The following E2F4 variants were observed in gnomAD, a reference collection of about 807,000 sequenced individuals.
E2F4 encodes the protein E2F transcription factor 4.
In E2F4, 16 loss-of-function variants were observed where a neutral mutation model predicts 44.5. The ratio of observed to expected loss-of-function variants is 0.36; its 90% CI spans 0.24 to 0.55. E2F4 has a LOEUF of 0.55. Ranked by LOEUF, E2F4 falls within the 20% of genes least tolerant of loss-of-function variation. E2F4 has a pLI of 0.87. For synonymous variants in E2F4, 242 were observed against 207.2 expected (o/e 1.17, Z -1.44); for missense variants, 473 against 522.1 (o/e 0.91, Z 0.92).
chr16:67,198,040 C>T lies in E2F4; in HGVS notation c.1159C>T (p.Pro387Ser), dbSNP rs1375076300. 5 of 1,614,022 alleles carry T rather than the reference C, an allele frequency of 3.1e-6. No individual in the cohort carries two copies. Among genetic ancestry groups the T allele is most frequent in the Non-Finnish European group, 4.2e-6 (5 of 1,180,020 alleles). Residue 387 changes from proline (P) to serine (S), a missense_variant, in exon 10 of 10, where the codon CCG becomes TCG. By Grantham distance (74) the Pro-to-Ser change is moderately conservative. Around this residue, in one of 3 missense-constraint regions of E2F4, gnomAD observed 314 missense variants for 315.6 expected, o/e 0.99. Coordinates refer to ENST00000379378, the MANE Select transcript of E2F4 (RefSeq NM_001950.4). ...CCCTCTGCTTCGTCTTTCTCCACCC[C>T]CGGGAGACCACGATTATATCTACAA... ...FAPLLRLSPP[P>S]GDHDYIYNLD...
intron 3 of E2F4, 28 bp from the exon 4 acceptor site, chr16:67,193,444 C>CA (rs1567687691): frequency 5.6e-6 from 9 of 1,613,874 alleles, no homozygotes; most frequent in Non-Finnish European, 7.6e-6. Context: ...CACCATAGGG[C>CA]ATCAGCCATT....
rs768162623 is a variant in E2F4, at chr16:67,193,005, T to C, written c.246-4T>C. The C allele has an allele frequency of 6.4e-7, 1 of 1,569,052 alleles. No individual in the cohort carries two copies. Among genetic ancestry groups the C allele is most frequent in the South Asian group, 1.2e-5 (1 of 86,166 alleles). Reference sequence around the variant, plus strand: ...TCCCTCTCAGCCCCACTCCCTGGGCTCAGGGGTGTGGGGCCTGGCTGCAAT... The same window carrying C: ...TCCCTCTCAGCCCCACTCCCTGGGCCCAGGGGTGTGGGGCCTGGCTGCAAT... On this transcript the variant is annotated splice_polypyrimidine_tract_variant and splice_region_variant and intron_variant, in intron 2 of 9. Coordinates refer to ENST00000379378, the MANE Select transcript of E2F4 (RefSeq NM_001950.4).
rs766415217 is a variant in E2F4 at position 67,195,991 on chromosome 16, G to T, written c.1018G>T (p.Ala340Ser). The T allele has an allele frequency of 3.1e-6, 5 of 1,614,036 alleles. No individual in the cohort carries two copies. The East Asian group carries it at 1.1e-4, about 36-fold the overall frequency. Reference sequence around the variant, plus strand: ...TTCTACCTCCTTTGAGCCCATCAAGGCAGACCCCACAGGTGGTGAGTACCT... The same window carrying T: ...TTCTACCTCCTTTGAGCCCATCAAGTCAGACCCCACAGGTGGTGAGTACCT... ...NPSTSFEPIK[A>S]DPTGVLELPK... is the part of the protein sequence containing the mutation. The change falls in exon 7 of 10, where the codon GCA (alanine) becomes TCA (serine). Residue 340 changes from alanine to serine, a missense_variant. By Grantham distance (99) the Ala-to-Ser change is moderately conservative. Transcript: ENST00000379378.
At chr16:67,193,839 G>C (rs567440574) in intron 4 of E2F4, 42 of 420,286 alleles carry the variant, frequency 1.0e-4, no homozygotes, top group Non-Finnish European at 1.6e-4. Flanking sequence ...CTTGTGTGCA[G>C]GCTCTTACAT....
At chr16:67,195,645 G>A in intron 6 of E2F4, 137 bp from the exon 7 acceptor site, 2 of 1,499,988 alleles carry the variant, frequency 1.3e-6, no homozygotes, top group South Asian at 1.3e-5. Context: ...CTTCCTCTGG[G>A]GGTGACTGGC....
In E2F4 at chr16:67,197,988, G is replaced by C. The variant is rs370809783; in HGVS notation, c.1127-20G>C. ...CTAGGGGAGCCCTGGCCCAGGGCCT[G>C]AGACTAGTGCTCTCTGCAGTGTTTG... On this transcript the variant is annotated intron_variant, in intron 9 of 9. Coordinates refer to ENST00000379378, the MANE Select transcript of E2F4 (RefSeq NM_001950.4). The C allele has an allele frequency of 6.2e-7, 1 of 1,614,096 alleles. No homozygotes were observed.
intron 1 of E2F4, 81 bp downstream of exon 1, chr16:67,192,443 G>T: frequency 7.2e-7 from 1 of 1,391,224 alleles, no homozygotes; most frequent in Non-Finnish European, 9.3e-7. Context: ...GGGCGGCCCA[G>T]CTGGGTCCTC....
In E2F4 at chr16:67,194,778, A is replaced by G; in HGVS notation, c.606A>G (p.Ser202=). 1 of 1,613,962 alleles carries G rather than the reference A, an allele frequency of 6.2e-7. No individual in the cohort carries two copies. Among genetic ancestry groups the G allele is most frequent in the Non-Finnish European group, 8.5e-7 (1 of 1,179,970 alleles). Residue 202 remains serine, a synonymous_variant, in exon 6 of 10, where the codon TCA becomes TCG. Transcript: ENST00000379378. The stretch of plus-strand genomic sequence containing the variant: ...TGGTGAACAAGGAGGCATGGAGCTC[A>G]CCCCCTGTGGCTGTGCCTGTGCCAC... ...VLLVNKEAWS[S]PPVAVPVPPP... is the part of the protein sequence containing the mutation.
At chr16:67,196,267 ACT>A (rs1197795933) in intron 7 of E2F4, among the ~76,000 whole-genome samples, 3 of 151,340 alleles carry the variant, frequency 2.0e-5, no homozygotes, top group African/African-American at 4.9e-5. Context: ...TCTCTGTATC[ACT>A]CTCTCTCATC....
Position 67,197,922 on chromosome 16 carries a change from C to T in E2F4, c.1126+11C>T. Reference sequence around the variant, plus strand: ...TGATGTCCTCAGAAGGTGGGTGGCCCTGGAAGGTGGGAGTGGGTGTGGGCA... The same window carrying T: ...TGATGTCCTCAGAAGGTGGGTGGCCTTGGAAGGTGGGAGTGGGTGTGGGCA... On this transcript the variant is annotated intron_variant, in intron 9 of 9. Coordinates refer to ENST00000379378, the MANE Select transcript of E2F4 (RefSeq NM_001950.4). 3 of 1,614,064 alleles carry T rather than the reference C, an allele frequency of 1.9e-6. No individual in the cohort carries two copies. Among genetic ancestry groups the T allele is most frequent in the Non-Finnish European group, 2.5e-6 (3 of 1,179,988 alleles).
intron 4 of E2F4, 30 bp downstream of exon 4, chr16:67,193,545 G>C (rs1230525661): frequency 1.2e-6 from 2 of 1,613,354 alleles, no homozygotes; most frequent in East Asian, 2.2e-5. Flanking sequence ...GGGTAAGGGG[G>C]TGGGCTGGGC....
intron 6 of E2F4, 118 bp downstream of exon 6, chr16:67,195,098 A>G: frequency 2.3e-6 from 3 of 1,299,538 alleles, no homozygotes; most frequent in South Asian, 1.5e-5. Flanking sequence ...TTTCCTGACC[A>G]CCTAGCCTTC....
chr16:67,193,039 G>T lies in E2F4; in HGVS notation c.276G>T (p.Glu92Asp). The change falls in exon 3 of 10, where the codon GAG becomes GAT. Residue 92 changes from glutamate (E) to aspartate (D), a missense_variant. Transcript: ENST00000379378. ...KGVGPGCNTR[E>D]IADKLIELKA... ...TGGGGCCTGGCTGCAATACCCGGGA[G>T]ATTGCTGACAAACTGATTGAGCTCA... is the stretch of plus-strand genomic sequence containing the variant. 1 of 1,572,226 alleles carries T rather than the reference G, an allele frequency of 6.4e-7. No homozygotes were observed. The highest frequency in any genetic ancestry group is 2.3e-5 in the East Asian group (1 of 42,848).
intron 7 of E2F4, among the ~76,000 whole-genome samples, 154 bp downstream of exon 7, chr16:67,196,160 C>T (rs1162647642): frequency 1.3e-5 from 2 of 152,142 alleles, no homozygotes; most frequent in African/African-American, 4.8e-5. Context: ...TGCTGGTGCC[C>T]CCTCTAGCAC....
chr16:67,193,420 A>T, intron 3 of E2F4, 52 bp from the exon 4 acceptor site: 1 of 1,605,194 alleles, frequency 6.2e-7, no homozygotes, highest in Non-Finnish European at 8.5e-7. Flanking sequence ...TCTTTTCTGT[A>T]GTCTGCCATC....
At chr16:67,196,157 G>GC (rs2032966649) in intron 7 of E2F4, 151 bp downstream of exon 7, 1 of 1,153,108 alleles carries the variant, frequency 8.7e-7, no homozygotes, top group Non-Finnish European at 1.2e-6. Flanking sequence ...CAGTGCTGGT[G>GC]CCCCCTCTAG....
chr16:67,192,288 A>G lies in E2F4; in HGVS notation c.61A>G (p.Ser21Gly). The G allele has an allele frequency of 7.4e-7, 1 of 1,346,410 alleles. No individual in the cohort carries two copies. The highest frequency in any genetic ancestry group is 9.6e-7 in the Non-Finnish European group (1 of 1,043,578). The allele number at this position is 1,346,410 out of a possible 1,614,324, so 83.4% of individuals were successfully genotyped here. ...GGGCACTCCAAGCCGGCACGAAAAG[A>G]GCCTGGGACTGCTCACCACCAAGTT... ...PPGTPSRHEK[S>G]LGLLTTKFVS... Residue 21 changes from serine (S) to glycine (G), a missense_variant, in exon 1 of 10, where the codon AGC becomes GGC. Transcript: ENST00000379378.
chr16:67,198,036 A>C lies in E2F4; in HGVS notation c.1155A>C (p.Pro385=), dbSNP rs2033000312. Residue 385 remains proline, a synonymous_variant, in exon 10 of 10, where the codon CCA becomes CCC. Transcript: ENST00000379378. ...TTGCCCCTCTGCTTCGTCTTTCTCC[A>C]CCCCCGGGAGACCACGATTATATCT... ...EVFAPLLRLS[P]PPGDHDYIYN... 1 of 1,613,882 alleles carries C rather than the reference A, an allele frequency of 6.2e-7. No individual in the cohort carries two copies. The highest frequency in any genetic ancestry group is 1.1e-5 in the South Asian group (1 of 91,072).
rs1057405157 is a variant in E2F4, at chr16:67,197,533, G to A, written c.1034-66G>A. ...GGTGGGTGGTATAGGATCCGAGGAA[G>A]CCAGGGGGCTGTAGTGGGGCCAGGC... On this transcript the variant is annotated intron_variant, in intron 7 of 9. Coordinates refer to ENST00000379378, the MANE Select transcript of E2F4 (RefSeq NM_001950.4). The A allele has an allele frequency of 3.2e-5, 50 of 1,567,906 alleles. 1 individual carries two copies. The highest frequency in any genetic ancestry group is 3.3e-4 in the Middle Eastern group (2 of 6,006).
Sources: allele counts gnomAD v4.1 joint callset (sites outside exome capture counted in the v4.1 genomes callset), GRCh38; gene constraint gnomAD v4.1.1; regional missense constraint gnomAD v4.1.1; transcripts MANE v1.5; gene names NCBI Gene and HGNC (gene_info 2026-07-23, HGNC 2026-07-21).